Variants in SPATA16 observed in about 807,000 individuals in gnomAD.
The protein encoded by SPATA16 is spermatogenesis associated 16.
A neutral mutation model predicts 63.3 loss-of-function variants in SPATA16; 36 were observed. The observed-to-expected ratio is 0.57, with a 90% confidence interval of 0.44 to 0.75. The LOEUF is 0.75. Among genes scored for constraint, SPATA16 ranks in the 30% least tolerant of loss-of-function variants. The probability of loss-of-function intolerance (pLI) is 0.00; values close to 1 mark genes in which losing one functional copy is unlikely to be tolerated. For synonymous variants in SPATA16, 203 were observed against 216.7 expected (o/e 0.94, Z 0.56); for missense variants, 646 against 679.3 (o/e 0.95, Z 0.54).
intron 2 of SPATA16, among the ~76,000 whole-genome samples, chr3:173,105,361 G>A (rs6778909): frequency 6.6e-6 from 1 of 151,850 alleles, no homozygotes; most frequent in Non-Finnish European, 1.5e-5. Flanking sequence ...AATTGTTCTC[G>A]CCAAAGACCC....
At chr3:172,918,057 T>C (rs1023104133) in intron 8 of SPATA16, among the ~76,000 whole-genome samples, 4 of 152,212 alleles carry the variant, frequency 2.6e-5, no homozygotes. Flanking sequence ...AATCTATAAA[T>C]CTATAAGATT....
chr3:172,964,635 A>G (rs1277035421), intron 5 of SPATA16, among the ~76,000 whole-genome samples: 3 of 152,110 alleles, frequency 2.0e-5, no homozygotes, highest in Non-Finnish European at 4.4e-5. Flanking sequence ...TTTCATCTCT[A>G]TATTTCATTT....
intron 1 of SPATA16, among the ~76,000 whole-genome samples, chr3:173,127,665 G>A (rs144519051): frequency 5.8e-4 from 88 of 152,330 alleles, no homozygotes; most frequent in African/African-American, 2.1e-3. Flanking sequence ...ACTACAGAAC[G>A]AATAATGTTG....
chr3:172,993,810 C>T (rs1308136684), intron 4 of SPATA16, among the ~76,000 whole-genome samples: 1 of 152,120 alleles, frequency 6.6e-6, no homozygotes, highest in Non-Finnish European at 1.5e-5. Flanking sequence ...CCATGCTGTT[C>T]TGCTCTATTC....
At chr3:173,043,920 G>A (rs908664832) in intron 3 of SPATA16, among the ~76,000 whole-genome samples, 5 of 152,020 alleles carry the variant, frequency 3.3e-5, no homozygotes, top group South Asian at 2.1e-4. Context: ...TAAAGTTGTC[G>A]TTCCATTGTA....
At chr3:172,971,788 A>T in intron 5 of SPATA16, among the ~76,000 whole-genome samples, 1 of 152,210 alleles carries the variant, frequency 6.6e-6, no homozygotes, top group East Asian at 1.9e-4. Context: ...CACTCATGAC[A>T]ATAACATTGT....
chr3:172,924,664 C>T (rs1732687857), intron 7 of SPATA16, among the ~76,000 whole-genome samples: 1 of 152,162 alleles, frequency 6.6e-6, no homozygotes, highest in Admixed American at 6.5e-5. Flanking sequence ...TCTTGTTCCT[C>T]CTAGGTATTA....
At chr3:172,929,785 A>G (rs1560069795) in intron 6 of SPATA16, among the ~76,000 whole-genome samples, 1 of 152,206 alleles carries the variant, frequency 6.6e-6, no homozygotes, top group East Asian at 1.9e-4. Flanking sequence ...GCATTTCCAA[A>G]TACCTACTGG....
intron 2 of SPATA16, among the ~76,000 whole-genome samples, chr3:173,103,598 A>T (rs1261952243): frequency 6.6e-6 from 1 of 152,224 alleles, no homozygotes; most frequent in Admixed American, 6.5e-5. Context: ...GCCTGGATGC[A>T]GGGAAAAGTG....
At chr3:173,138,282 G>C (rs73032635) in intron 1 of SPATA16, among the ~76,000 whole-genome samples, 2,362 of 152,192 alleles carry the variant, frequency 0.016, 54 homozygotes, top group African/African-American at 0.054. Flanking sequence ...ATTTCCTAAG[G>C]AAAGTTATTC....
At chr3:173,086,861 T>C (rs1343256817) in intron 2 of SPATA16, among the ~76,000 whole-genome samples, 1 of 152,334 alleles carries the variant, frequency 6.6e-6, no homozygotes. Flanking sequence ...AGTTTCTTAA[T>C]CTTGAGTTCT....
intron 10 of SPATA16, among the ~76,000 whole-genome samples, chr3:172,899,770 C>T (rs886560105): frequency 4.6e-5 from 7 of 151,818 alleles, no homozygotes; most frequent in Admixed American, 2.0e-4. Context: ...TTTGATATAT[C>T]TTTTTGTATG....
chr3:173,016,602 C>T (rs1436262648), intron 4 of SPATA16, among the ~76,000 whole-genome samples: 2 of 152,160 alleles, frequency 1.3e-5, no homozygotes, highest in Non-Finnish European at 2.9e-5. Flanking sequence ...AACATGACTG[C>T]GTAGCATGCT....
chr3:173,022,822 C>T (rs1229757905), intron 3 of SPATA16, among the ~76,000 whole-genome samples: 1 of 150,938 alleles, frequency 6.6e-6, no homozygotes, highest in Non-Finnish European at 1.5e-5. Flanking sequence ...GAGGAAAAAA[C>T]TCTGATTTAG....
chr3:173,106,570 C>T (rs1386657161), intron 2 of SPATA16, among the ~76,000 whole-genome samples: 1 of 152,170 alleles, frequency 6.6e-6, no homozygotes, highest in Non-Finnish European at 1.5e-5. Context: ...ATCCATTTGT[C>T]ATAACTTTCC....
chr3:173,040,445 C>T (rs1560104433), intron 3 of SPATA16, among the ~76,000 whole-genome samples: 1 of 151,944 alleles, frequency 6.6e-6, no homozygotes, highest in Non-Finnish European at 1.5e-5. Flanking sequence ...AGTAGAGTCT[C>T]GTGATTTAAA....
At chr3:173,008,918 A>G (rs554942255) in intron 4 of SPATA16, among the ~76,000 whole-genome samples, 59 of 152,330 alleles carry the variant, frequency 3.9e-4, no homozygotes, top group African/African-American at 1.4e-3. Context: ...CTAAATGTAC[A>G]TAGGAAAATG....
intron 1 of SPATA16, among the ~76,000 whole-genome samples, chr3:173,120,075 G>A (rs1462023566): frequency 2.8e-5 from 4 of 144,542 alleles, no homozygotes; most frequent in South Asian, 2.2e-4. Context: ...CAACAAGAGC[G>A]AAACTCCATC....
At chr3:173,022,103 GAGA>G (rs1735345868) in intron 3 of SPATA16, among the ~76,000 whole-genome samples, 1 of 152,032 alleles carries the variant, frequency 6.6e-6, no homozygotes. Flanking sequence ...GATGTAGGCA[GAGA>G]AGATTTTTGT....
Sources: allele counts gnomAD v4.1 joint callset (sites outside exome capture counted in the v4.1 genomes callset), GRCh38; gene constraint gnomAD v4.1.1; transcripts MANE v1.5; gene names NCBI Gene and HGNC (gene_info 2026-07-23, HGNC 2026-07-21).